Variants in DIP2B observed in about 807,000 individuals in gnomAD.
DIP2B encodes disco-interacting protein 2 homolog B.
DIP2B carries 76 observed loss-of-function variants against 198.0 expected under a neutral mutation model. The ratio of observed to expected loss-of-function variants is 0.38; its 90% CI spans 0.32 to 0.46. The LOEUF (loss-of-function observed/expected upper bound fraction) is 0.46, where lower values mean the gene tolerates loss of function less well. DIP2B is among the 20% of genes least tolerant of loss of function. The pLI is 0.99. For synonymous variants in DIP2B, 701 were observed against 739.1 expected, an observed-to-expected ratio of 0.95 and a Z score of 0.84; for missense variants, 1,559 against 1,978.4, an observed-to-expected ratio of 0.79 and a Z score of 4.02.
At chr12:50,595,780 G>T (rs1565838107) in intron 1 of DIP2B, among the ~76,000 whole-genome samples, 1 of 152,126 alleles carries the variant, frequency 6.6e-6, no homozygotes, top group Non-Finnish European at 1.5e-5. Context: ...TTTATTCATA[G>T]AAGTAAAATC....
chr12:50,738,999 C>T (rs556525401), intron 35 of DIP2B, among the ~76,000 whole-genome samples: 3 of 152,292 alleles, frequency 2.0e-5, no homozygotes, highest in East Asian at 1.9e-4. Flanking sequence ...ACAGTTATCC[C>T]GGAAGCACAG....
At chr12:50,681,931 C>G (rs991658634) in intron 9 of DIP2B, among the ~76,000 whole-genome samples, 2 of 152,050 alleles carry the variant, frequency 1.3e-5, no homozygotes, top group African/African-American at 4.8e-5. Context: ...TTTCCAGAAC[C>G]CTAGGAAAAT....
At chr12:50,518,589 A>T (rs1958087248) in intron 1 of DIP2B, among the ~76,000 whole-genome samples, 1 of 152,194 alleles carries the variant, frequency 6.6e-6, no homozygotes, top group Non-Finnish European at 1.5e-5. Flanking sequence ...GTGTGCTGGG[A>T]TTGGAAACCA....
intron 4 of DIP2B, among the ~76,000 whole-genome samples, chr12:50,664,941 C>T (rs1446072227): frequency 6.7e-6 from 1 of 149,842 alleles, no homozygotes; most frequent in East Asian, 2.0e-4. Flanking sequence ...CTCAAACTCC[C>T]AGGGTCAAGC....
chr12:50,660,419 C>T (rs1938624785), intron 4 of DIP2B, 100 bp downstream of exon 4: 2 of 1,322,108 alleles, frequency 1.5e-6, no homozygotes, highest in Non-Finnish European at 2.0e-6. Flanking sequence ...AGAATCTTCT[C>T]CCCGCCATTA....
intron 1 of DIP2B, among the ~76,000 whole-genome samples, chr12:50,588,273 T>G (rs573838167): frequency 6.6e-6 from 1 of 152,090 alleles, no homozygotes. Context: ...TGCCTCAGCC[T>G]CCTGAGTAGC....
intron 5 of DIP2B, among the ~76,000 whole-genome samples, chr12:50,673,210 T>C (rs1453359790): frequency 6.6e-6 from 1 of 152,224 alleles, no homozygotes; most frequent in Non-Finnish European, 1.5e-5. Flanking sequence ...TTTTAAAAAC[T>C]ATTCAACTAA....
At chr12:50,653,352 T>C (rs1437005366) in intron 3 of DIP2B, among the ~76,000 whole-genome samples, 12 of 144,644 alleles carry the variant, frequency 8.3e-5, no homozygotes, top group East Asian at 3.9e-4. Flanking sequence ...TTTTCTTTTT[T>C]TTTTTTTTTT....
At chr12:50,549,123 G>A (rs1958402604) in intron 1 of DIP2B, among the ~76,000 whole-genome samples, 1 of 151,614 alleles carries the variant, frequency 6.6e-6, no homozygotes, top group Admixed American at 6.6e-5. Flanking sequence ...CTACAAATTG[G>A]AATTCTTCTA....
At position 50,728,465 on chromosome 12, in the gene DIP2B, A is replaced by T. The variant is rs978481279; in HGVS notation, c.3511-83A>T. The T allele has an allele frequency of 8.1e-6, 12 of 1,483,164 alleles. No homozygotes were observed. In the African/African-American group the frequency reaches 1.7e-4, roughly 21 times the overall value. 91.9% of individuals were successfully genotyped at this position (1,483,164 alleles called of 1,614,324 possible). On this transcript the variant is annotated intron_variant, in intron 29 of 37. Transcript: ENST00000301180. ...TTGTTTTGAGGAGTTTAGGGAATTGAAACTCCTCAAAGCTGTCGTCAGAGC... is the reference window on the plus strand; with the variant it reads ...TTGTTTTGAGGAGTTTAGGGAATTGTAACTCCTCAAAGCTGTCGTCAGAGC...
intron 23 of DIP2B, among the ~76,000 whole-genome samples, chr12:50,716,958 C>CTTTTTTTTTTTTTGTTTTTT (rs1939732733): frequency 1.7e-5 from 1 of 58,922 alleles, no homozygotes; most frequent in Non-Finnish European, 3.0e-5. Flanking sequence ...CGAATTGTTG[C>CTTTTTTTTTTTTTGTTTTTT]TTTTTTTTTT....
chr12:50,743,970 A>G (rs1032523295), intron 37 of DIP2B, among the ~76,000 whole-genome samples: 1 of 152,180 alleles, frequency 6.6e-6, no homozygotes, highest in Non-Finnish European at 1.5e-5. Flanking sequence ...ACCCCAGAAT[A>G]TTCAAATCCA....
intron 1 of DIP2B, among the ~76,000 whole-genome samples, chr12:50,573,209 C>T (rs562806274): frequency 5.3e-5 from 8 of 152,322 alleles, no homozygotes; most frequent in African/African-American, 1.7e-4. Context: ...ATCCAGAAGC[C>T]AGAGTTCTGG....
intron 1 of DIP2B, among the ~76,000 whole-genome samples, chr12:50,506,319 A>T (rs1359663263): frequency 6.6e-6 from 1 of 151,974 alleles, no homozygotes; most frequent in Non-Finnish European, 1.5e-5. Context: ...TGGATCAAAA[A>T]CTCTTGATTG....
intron 7 of DIP2B, among the ~76,000 whole-genome samples, chr12:50,676,216 A>G (rs940032873): frequency 6.6e-6 from 1 of 152,232 alleles, no homozygotes; most frequent in African/African-American, 2.4e-5. Flanking sequence ...TGATGACGAT[A>G]GATCTAGACA....
chr12:50,574,142 A>G (rs1479579263), intron 1 of DIP2B, among the ~76,000 whole-genome samples: 2 of 152,232 alleles, frequency 1.3e-5, no homozygotes, highest in African/African-American at 4.8e-5. Flanking sequence ...AAACTTTCAT[A>G]TAAAAGTAAG....
chr12:50,682,397 A>G (rs1424566153), intron 9 of DIP2B, among the ~76,000 whole-genome samples: 2 of 152,102 alleles, frequency 1.3e-5, no homozygotes. Flanking sequence ...AGGCCAAGGC[A>G]GGCAGATCAC....
intron 12 of DIP2B, among the ~76,000 whole-genome samples, chr12:50,690,359 TA>T (rs1028406375): frequency 1.3e-5 from 2 of 152,194 alleles, no homozygotes; most frequent in African/African-American, 4.8e-5. Context: ...GTTCTGGGAT[TA>T]CAGGCGTGAG....
At chr12:50,650,066 CA>C (rs1938427157) in intron 3 of DIP2B, among the ~76,000 whole-genome samples, 1 of 151,658 alleles carries the variant, frequency 6.6e-6, no homozygotes, top group South Asian at 2.1e-4. Flanking sequence ...AAAAATGAGC[CA>C]GGGGTGGTGG....
Sources: allele counts gnomAD v4.1 joint callset (sites outside exome capture counted in the v4.1 genomes callset), GRCh38; gene constraint gnomAD v4.1.1; transcripts MANE v1.5; gene names NCBI Gene and HGNC (gene_info 2026-07-23, HGNC 2026-07-21).